Variants in MYO1D observed in about 807,000 individuals in gnomAD.
MYO1D encodes myosin ID, also known as unconventional myosin-Id.
A neutral mutation model predicts 122.0 loss-of-function variants in MYO1D; 83 were observed. The observed-to-expected ratio is 0.68, with a 90% confidence interval of 0.57 to 0.82. The LOEUF (loss-of-function observed/expected upper bound fraction) is 0.82, where lower values mean the gene tolerates loss of function less well. MYO1D is among the 40% of genes least tolerant of loss of function. MYO1D has a pLI of 0.00. For synonymous variants in MYO1D, 464 were observed against 446.9 expected (o/e 1.04, Z -0.48); for missense variants, 1,157 against 1,269.5 (o/e 0.91, Z 1.35).
chr17:32,562,461 T>C (rs188176865), intron 21 of MYO1D, among the ~76,000 whole-genome samples: 44 of 152,268 alleles, frequency 2.9e-4, no homozygotes, highest in Admixed American at 1.4e-3. Context: ...CTGATTATTT[T>C]CTTAGGATAT....
chr17:32,783,425 A>G (rs2090260802), intron 1 of MYO1D, among the ~76,000 whole-genome samples: 2 of 152,190 alleles, frequency 1.3e-5, no homozygotes, highest in South Asian at 4.1e-4. Context: ...ACAGTGGCAC[A>G]TGCTTGCAGA....
intron 14 of MYO1D, among the ~76,000 whole-genome samples, chr17:32,732,425 A>G (rs1012252062): frequency 6.7e-4 from 102 of 152,288 alleles, no homozygotes; most frequent in African/African-American, 2.2e-3. Context: ...CAGGCAGACA[A>G]TGGGATAACC....
At chr17:32,852,639 A>G (rs2090999107) in intron 1 of MYO1D, among the ~76,000 whole-genome samples, 1 of 152,178 alleles carries the variant, frequency 6.6e-6, no homozygotes, top group African/African-American at 2.4e-5. Context: ...TATGTGGCAA[A>G]TACATGCATA....
chr17:32,690,307 C>A (rs1396671194), intron 16 of MYO1D, among the ~76,000 whole-genome samples: 1 of 151,744 alleles, frequency 6.6e-6, no homozygotes, highest in Non-Finnish European at 1.5e-5. Flanking sequence ...TCCCAAGTAG[C>A]TAGGACTACA....
rs202110798 is a variant in MYO1D, at chr17:32,506,076, CAA to C, written c.2865-11163_2865-11162del. Reference sequence around the variant, plus strand: ...TCTAAGAAAAAGAAATTAAATAAGACAAGACTTTTTCAGACAACAAGTGCTCT... The same window carrying C: ...TCTAAGAAAAAGAAATTAAATAAGACGACTTTTTCAGACAACAAGTGCTCT... On this transcript the variant is annotated intron_variant, in intron 21 of 21. Transcript: ENST00000318217. Among the ~76,000 whole-genome samples the C allele has an allele frequency of 9.1e-3, 1,379 of 152,290 alleles. 18 individuals carry two copies. Among genetic ancestry groups the C allele is most frequent in the African/African-American group, 0.031 (1,275 of 41,560 alleles).
chr17:32,551,910 C>T lies in MYO1D; in HGVS notation c.2864+53177G>A, dbSNP rs868799071. On this transcript the variant is annotated intron_variant, in intron 21 of 21. Coordinates refer to ENST00000318217, the MANE Select transcript of MYO1D (RefSeq NM_015194.3). Reference sequence around the variant, plus strand: ...AGTGGCTATCTGCTTTGTCCTTAGCCTAGAAGCATGTTCAAATCTCCTCCA... The same window carrying T: ...AGTGGCTATCTGCTTTGTCCTTAGCTTAGAAGCATGTTCAAATCTCCTCCA... Among the ~76,000 whole-genome samples, 3 of 152,200 alleles carry T rather than the reference C, an allele frequency of 2.0e-5. No individual in the cohort carries two copies. In the South Asian group the frequency reaches 6.2e-4, roughly 32 times the overall value.
At chr17:32,556,002 T>C (rs1156813930) in intron 21 of MYO1D, among the ~76,000 whole-genome samples, 1 of 152,094 alleles carries the variant, frequency 6.6e-6, no homozygotes, top group Non-Finnish European at 1.5e-5. Flanking sequence ...TATTCCTCCT[T>C]AGCACTTATC....
At chr17:32,867,170 A>T (rs1490053499) in intron 1 of MYO1D, among the ~76,000 whole-genome samples, 9 of 150,852 alleles carry the variant, frequency 6.0e-5, no homozygotes. Flanking sequence ...TACTAAAAAT[A>T]CAAAAATGAG....
intron 1 of MYO1D, among the ~76,000 whole-genome samples, chr17:32,832,397 T>A (rs1007223401): frequency 6.6e-6 from 1 of 151,996 alleles, no homozygotes; most frequent in Non-Finnish European, 1.5e-5. Flanking sequence ...ACCTCCTGGT[T>A]CATGCCTTTC....
At chr17:32,717,574 G>T (rs1252599355) in intron 15 of MYO1D, among the ~76,000 whole-genome samples, 2 of 152,082 alleles carry the variant, frequency 1.3e-5, no homozygotes, top group African/African-American at 4.8e-5. Flanking sequence ...TCTCAAACTA[G>T]GTATGCCAGA....
chr17:32,660,202 T>C (rs1254797389), intron 16 of MYO1D, among the ~76,000 whole-genome samples: 1 of 152,220 alleles, frequency 6.6e-6, no homozygotes, highest in African/African-American at 2.4e-5. Flanking sequence ...CCCTAGTTGC[T>C]TTCTTCGATG....
At chr17:32,658,585 AT>A (rs1236347916) in intron 17 of MYO1D, 5 of 152,272 alleles carry the variant, frequency 3.3e-5, no homozygotes, top group African/African-American at 1.2e-4. Context: ...AAAAACAGTT[AT>A]TTTCCCCTTT....
At chr17:32,800,733 G>A (rs2090453856) in intron 1 of MYO1D, among the ~76,000 whole-genome samples, 1 of 152,048 alleles carries the variant, frequency 6.6e-6, no homozygotes, top group East Asian at 1.9e-4. Flanking sequence ...CCAGAAACAG[G>A]GTCCCACTCT....
At chr17:32,568,859 A>G (rs403484) in intron 21 of MYO1D, among the ~76,000 whole-genome samples, 97,929 of 151,914 alleles carry the variant, frequency 0.64, 32,391 homozygotes, top group African/African-American at 0.8. Flanking sequence ...GCACCTACTC[A>G]CTGGAATTAC....
At chr17:32,857,963 CTAGCAAAAAGCTT>C (rs1349720480) in intron 1 of MYO1D, among the ~76,000 whole-genome samples, 1 of 152,180 alleles carries the variant, frequency 6.6e-6, no homozygotes, top group African/African-American at 2.4e-5. Flanking sequence ...TACACAGTTT[CTAGCAAAAAGCTT>C]TAAGTAATAC....
At chr17:32,752,948 G>C (rs944082949) in intron 11 of MYO1D, among the ~76,000 whole-genome samples, 1 of 152,008 alleles carries the variant, frequency 6.6e-6, no homozygotes, top group Non-Finnish European at 1.5e-5. Context: ...CAGGTATAAC[G>C]AAAAGATATT....
chr17:32,727,865 C>G (rs953171733), intron 14 of MYO1D, among the ~76,000 whole-genome samples: 1 of 152,040 alleles, frequency 6.6e-6, no homozygotes, highest in East Asian at 1.9e-4. Context: ...AAAGATATAC[C>G]ATGCAAACTC....
Position 32,745,346 on chromosome 17 carries a change from T to C in MYO1D, c.1539-61A>G, listed in dbSNP as rs1039041884. 3.3e-5 allele frequency: 36 copies of C among 1,098,086 alleles called. No individual in the cohort carries two copies. In the African/African-American group the frequency reaches 5.4e-4, roughly 17 times the overall value. 68.0% of individuals were successfully genotyped at this position (1,098,086 alleles called of 1,614,324 possible). On this transcript the variant is annotated intron_variant, in intron 12 of 21. Coordinates refer to ENST00000318217, the MANE Select transcript of MYO1D (RefSeq NM_015194.3). ...TACCAAGCAAGAGCCACATTTAAGT[T>C]TTTCCAGGAGGCAACAAGCCTTTCC...
intron 1 of MYO1D, among the ~76,000 whole-genome samples, chr17:32,876,189 T>G (rs2091226847): frequency 6.6e-6 from 1 of 150,910 alleles, no homozygotes; most frequent in Non-Finnish European, 1.5e-5. Flanking sequence ...AGAGAGTAAC[T>G]AAAAAAATAG....
Sources: allele counts gnomAD v4.1 joint callset (sites outside exome capture counted in the v4.1 genomes callset), GRCh38; gene constraint gnomAD v4.1.1; transcripts MANE v1.5; gene names NCBI Gene and HGNC (gene_info 2026-07-23, HGNC 2026-07-21).